The following ERC2 variants were observed in gnomAD, a reference collection of about 807,000 sequenced individuals.
The protein encoded by ERC2 is ELKS/RAB6-interacting/CAST family member 2, also known as ERC protein 2.
ERC2 carries 42 observed loss-of-function variants against 114.8 expected under a neutral mutation model. That is an observed-to-expected ratio of 0.37 (90% CI 0.29 to 0.47). The LOEUF is 0.47. Among genes scored for constraint, ERC2 ranks in the 20% least tolerant of loss-of-function variants. The pLI is 0.99. For missense variants in ERC2, 939 were observed against 1,150.7 expected (o/e 0.82, Z 2.66); for synonymous variants, 454 against 425.5 (o/e 1.07, Z -0.82).
At chr3:56,095,089 C>G (rs2077985847) in intron 6 of ERC2, among the ~76,000 whole-genome samples, 1 of 152,030 alleles carries the variant, frequency 6.6e-6, no homozygotes, top group African/African-American at 2.4e-5. Flanking sequence ...CTCATTTATA[C>G]TAAATAAAAT....
intron 7 of ERC2, among the ~76,000 whole-genome samples, chr3:56,024,689 G>A (rs569468932): frequency 6.6e-6 from 1 of 152,348 alleles, no homozygotes; most frequent in African/African-American, 2.4e-5. Flanking sequence ...AAAGCTTGGA[G>A]TCTGGATGGC....
intron 6 of ERC2, among the ~76,000 whole-genome samples, chr3:56,125,209 C>T (rs569077201): frequency 2.7e-5 from 4 of 150,578 alleles, no homozygotes; most frequent in African/African-American, 1.0e-4. Context: ...AATCTTCTCT[C>T]TTTCTAAAAT....
intron 6 of ERC2, among the ~76,000 whole-genome samples, chr3:56,095,489 T>G (rs1351520610): frequency 6.6e-6 from 1 of 152,182 alleles, no homozygotes; most frequent in Non-Finnish European, 1.5e-5. Flanking sequence ...CTAACATGTT[T>G]CCAATTGGGA....
intron 17 of ERC2, among the ~76,000 whole-genome samples, chr3:55,573,399 C>T (rs577980991): frequency 4.6e-5 from 7 of 152,256 alleles, no homozygotes; most frequent in South Asian, 4.2e-4. Context: ...GATTGTTGAA[C>T]TTTAAGATTC....
At chr3:56,422,765 T>C (rs6782671) in intron 2 of ERC2, among the ~76,000 whole-genome samples, 6,581 of 152,232 alleles carry the variant, frequency 0.043, 368 homozygotes, top group African/African-American at 0.12. Flanking sequence ...GCAGCTCTAT[T>C]GGTGAGGCCT....
At chr3:56,036,784 T>A (rs2074833951) in intron 7 of ERC2, among the ~76,000 whole-genome samples, 1 of 152,144 alleles carries the variant, frequency 6.6e-6, no homozygotes, top group Non-Finnish European at 1.5e-5. Context: ...GATTCCCTCA[T>A]GAGCCCATGC....
At chr3:55,720,798 C>A (rs2064500549) in intron 15 of ERC2, among the ~76,000 whole-genome samples, 1 of 152,164 alleles carries the variant, frequency 6.6e-6, no homozygotes, top group Admixed American at 6.5e-5. Flanking sequence ...ACCACCATTC[C>A]TTGAAGCACA....
chr3:56,427,260 T>TTTGGTTGGTTGG (rs113604327), intron 2 of ERC2, among the ~76,000 whole-genome samples: 12 of 140,240 alleles, frequency 8.6e-5, no homozygotes, highest in African/African-American at 3.4e-4. Context: ...GGATTTTTTG[T>TTTGGTTGGTTGG]TTGGTTGGTT....
chr3:56,299,230 C>T (rs1461728907), intron 2 of ERC2, among the ~76,000 whole-genome samples: 3 of 149,304 alleles, frequency 2.0e-5, no homozygotes, highest in Non-Finnish European at 3.0e-5. Context: ...CGGGTTCACG[C>T]CTTTCTGCTG....
chr3:55,819,972 G>T (rs1367217415), intron 14 of ERC2, among the ~76,000 whole-genome samples: 1 of 152,198 alleles, frequency 6.6e-6, no homozygotes, highest in African/African-American at 2.4e-5. Flanking sequence ...CCTCTTGCAG[G>T]TGTAATTAGC....
intron 3 of ERC2, among the ~76,000 whole-genome samples, chr3:56,182,945 CAGA>C (rs1006941297): frequency 2.4e-4 from 36 of 152,168 alleles, no homozygotes; most frequent in African/African-American, 7.9e-4. Flanking sequence ...GGTTGGCACA[CAGA>C]AGAAGTGGGG....
At chr3:56,088,147 C>G (rs534075319) in intron 6 of ERC2, among the ~76,000 whole-genome samples, 1 of 152,106 alleles carries the variant, frequency 6.6e-6, no homozygotes, top group Non-Finnish European at 1.5e-5. Context: ...AGAGGCTACA[C>G]TTTCCAGATG....
chr3:56,373,595 G>C (rs1189165579), intron 2 of ERC2, among the ~76,000 whole-genome samples: 3 of 152,114 alleles, frequency 2.0e-5, no homozygotes, highest in Admixed American at 2.0e-4. Flanking sequence ...GCAGCACATT[G>C]GTGTAAAGCA....
At chr3:55,643,669 A>T (rs146526222) in intron 17 of ERC2, among the ~76,000 whole-genome samples, 8 of 152,358 alleles carry the variant, frequency 5.3e-5, no homozygotes, top group African/African-American at 1.4e-4. Flanking sequence ...TCTGGCACAG[A>T]GAAAACTTTA....
intron 2 of ERC2, among the ~76,000 whole-genome samples, chr3:56,376,473 GA>G (rs2106654314): frequency 6.7e-6 from 1 of 148,244 alleles, no homozygotes; most frequent in East Asian, 2.0e-4. Flanking sequence ...AAAAAAAAAA[GA>G]GGTGAGTTGG....
chr3:55,999,770 G>T (rs528816080), intron 10 of ERC2, among the ~76,000 whole-genome samples: 61 of 151,630 alleles, frequency 4.0e-4, no homozygotes, highest in African/African-American at 1.4e-3. Context: ...TGAATGGAAA[G>T]AAATAATATT....
chr3:55,514,939 G>T (rs951258048), intron 17 of ERC2, among the ~76,000 whole-genome samples: 12 of 152,176 alleles, frequency 7.9e-5, no homozygotes, highest in Non-Finnish European at 2.9e-5. Flanking sequence ...GCAGCACCAC[G>T]CTGGGTCAGG....
rs1017534836 is a variant in ERC2 at position 56,435,369 on chromosome 3, C to A, written c.-140-222G>T. On this transcript the variant is annotated intron_variant, in intron 1 of 17. Coordinates refer to ENST00000288221, the MANE Select transcript of ERC2 (RefSeq NM_015576.3). ...AGTTTTACAAATTCCCCCCACCCTG[C>A]CCCTAAGCAAGATAAAAATTCTCAA... 5.3e-5 allele frequency among the ~76,000 whole-genome samples: 8 copies of A among 152,078 alleles called. No individual in the cohort carries two copies. The South Asian group carries it at 6.2e-4, about 12-fold the overall frequency.
At chr3:55,831,587 A>G (rs929236474) in intron 14 of ERC2, among the ~76,000 whole-genome samples, 1 of 152,252 alleles carries the variant, frequency 6.6e-6, no homozygotes, top group Admixed American at 6.5e-5. Context: ...GGATTATAAT[A>G]GTCTAAACAT....
Sources: gnomAD v4.1 joint callset for allele counts (sites outside exome capture counted in the v4.1 genomes callset) on GRCh38, gnomAD v4.1.1 for gene constraint, MANE v1.5 for transcripts, NCBI Gene and HGNC (gene_info 2026-07-23, HGNC 2026-07-21) for gene names.